Variants in RNGTT observed in about 807,000 individuals in gnomAD.
RNGTT encodes mRNA-capping enzyme.
A neutral mutation model predicts 79.3 loss-of-function variants in RNGTT; 33 were observed. The ratio of observed to expected loss-of-function variants is 0.42; its 90% CI spans 0.32 to 0.56. The LOEUF is 0.56. Among genes scored for constraint, RNGTT ranks in the 20% least tolerant of loss-of-function variants. The probability of loss-of-function intolerance (pLI) is 0.17; values close to 1 mark genes in which losing one functional copy is unlikely to be tolerated. For synonymous variants in RNGTT, 222 were observed against 235.9 expected (o/e 0.94, Z 0.54); for missense variants, 497 against 739.1 (o/e 0.67, Z 3.80).
At chr6:88,762,282 C>A (rs960930270) in intron 13 of RNGTT, among the ~76,000 whole-genome samples, 2 of 152,164 alleles carry the variant, frequency 1.3e-5, no homozygotes, top group African/African-American at 4.8e-5. Flanking sequence ...GAATAAGGGT[C>A]ATTATGCTAG....
chr6:88,667,124 T>C (rs1024999041), intron 14 of RNGTT, among the ~76,000 whole-genome samples: 7 of 152,168 alleles, frequency 4.6e-5, no homozygotes, highest in Admixed American at 3.9e-4. Context: ...CAGAGCAGCA[T>C]CCACTCCCTT....
At chr6:88,911,579 G>A (rs1385855749) in intron 4 of RNGTT, among the ~76,000 whole-genome samples, 3 of 151,874 alleles carry the variant, frequency 2.0e-5, no homozygotes, top group Non-Finnish European at 4.4e-5. Context: ...AATAAAAATA[G>A]AAATCAATAC....
At chr6:88,636,948 T>C (rs1432350588) in intron 14 of RNGTT, among the ~76,000 whole-genome samples, 3 of 152,066 alleles carry the variant, frequency 2.0e-5, no homozygotes, top group Non-Finnish European at 4.4e-5. Flanking sequence ...ATTAAAATCT[T>C]GAATCAGATG....
chr6:88,798,498 G>T (rs940711437), intron 12 of RNGTT, among the ~76,000 whole-genome samples: 19 of 151,250 alleles, frequency 1.3e-4, no homozygotes, highest in African/African-American at 4.6e-4. Context: ...TGAACTGTAA[G>T]AAATAAGGTG....
At chr6:88,956,227 A>G (rs1223186853) in intron 1 of RNGTT, among the ~76,000 whole-genome samples, 3 of 151,948 alleles carry the variant, frequency 2.0e-5, no homozygotes, top group Non-Finnish European at 4.4e-5. Context: ...AATACTTTAT[A>G]TGCACAAACT....
intron 13 of RNGTT, among the ~76,000 whole-genome samples, chr6:88,742,424 T>G (rs1403241972): frequency 6.6e-6 from 1 of 152,234 alleles, no homozygotes; most frequent in African/African-American, 2.4e-5. Flanking sequence ...CAAAAATTAT[T>G]TGAAGTTTAC....
At chr6:88,668,352 C>T (rs190630613) in intron 14 of RNGTT, among the ~76,000 whole-genome samples, 1 of 152,252 alleles carries the variant, frequency 6.6e-6, no homozygotes, top group Admixed American at 6.5e-5. Context: ...CTGAAAAAGA[C>T]AACAAGCCCT....
chr6:88,963,447 G>T lies in RNGTT; in HGVS notation c.-38C>A, dbSNP rs753119389. ...CGCAGAGCTGCCCTCCCTCACCAAC[G>T]TTCACCGCGCCTTTGGAGCCGCCTC... is the stretch of plus-strand genomic sequence containing the variant. On this transcript the variant is annotated 5_prime_UTR_variant, in exon 1 of 16. Coordinates refer to ENST00000369485, the MANE Select transcript of RNGTT (RefSeq NM_003800.5). 1.3e-5 allele frequency: 19 copies of T among 1,514,608 alleles called. No homozygotes were observed. Among genetic ancestry groups the T allele is most frequent in the Non-Finnish European group, 1.7e-5 (19 of 1,127,384 alleles). 93.8% of individuals were successfully genotyped at this position (1,514,608 alleles called of 1,614,324 possible).
intron 12 of RNGTT, among the ~76,000 whole-genome samples, chr6:88,774,356 C>T (rs1290473562): frequency 6.6e-6 from 1 of 151,868 alleles, no homozygotes; most frequent in Non-Finnish European, 1.5e-5. Flanking sequence ...TAAATCAGAA[C>T]ATGCACATTG....
intron 4 of RNGTT, among the ~76,000 whole-genome samples, chr6:88,912,846 T>TGAAA (rs1783870718): frequency 6.6e-6 from 1 of 151,970 alleles, no homozygotes. Flanking sequence ...AGGAAGAAAC[T>TGAAA]GAAACCCTGG....
At chr6:88,779,631 T>A (rs1778995952) in intron 12 of RNGTT, among the ~76,000 whole-genome samples, 1 of 152,174 alleles carries the variant, frequency 6.6e-6, no homozygotes, top group Admixed American at 6.6e-5. Flanking sequence ...TCATATTAAT[T>A]TGGAATACTA....
intron 12 of RNGTT, among the ~76,000 whole-genome samples, chr6:88,788,295 A>G (rs1779296094): frequency 6.6e-6 from 1 of 152,156 alleles, no homozygotes; most frequent in South Asian, 2.1e-4. Flanking sequence ...CCCGAGAAAC[A>G]CCAAACTTCA....
At chr6:88,913,421 G>A (rs1405787252) in intron 4 of RNGTT, among the ~76,000 whole-genome samples, 1 of 151,800 alleles carries the variant, frequency 6.6e-6, no homozygotes, top group Non-Finnish European at 1.5e-5. Context: ...AAATACTGTA[G>A]GCCAATATCC....
intron 7 of RNGTT, among the ~76,000 whole-genome samples, 173 bp from the exon 8 acceptor site, chr6:88,890,769 T>C (rs901427166): frequency 6.6e-6 from 1 of 152,194 alleles, no homozygotes; most frequent in Admixed American, 6.5e-5. Flanking sequence ...AGATTATCAT[T>C]TTCTTGACAT....
intron 14 of RNGTT, among the ~76,000 whole-genome samples, chr6:88,657,169 A>G (rs971509001): frequency 1.7e-4 from 26 of 152,086 alleles, no homozygotes; most frequent in African/African-American, 6.3e-4. Flanking sequence ...GCTGCTGCAA[A>G]CTCCATGAGA....
intron 1 of RNGTT, among the ~76,000 whole-genome samples, chr6:88,950,751 G>A (rs1196779347): frequency 2.6e-5 from 4 of 152,090 alleles, no homozygotes; most frequent in African/African-American, 9.7e-5. Context: ...AGAATCGCTT[G>A]AACCCAGGAG....
chr6:88,649,682 G>C (rs907797509), intron 14 of RNGTT, among the ~76,000 whole-genome samples: 1 of 151,888 alleles, frequency 6.6e-6, no homozygotes, highest in African/African-American at 2.4e-5. Context: ...GGGTGAAAGA[G>C]CGAGACTAAG....
At chr6:88,749,338 G>A (rs1402763892) in intron 13 of RNGTT, among the ~76,000 whole-genome samples, 1 of 152,064 alleles carries the variant, frequency 6.6e-6, no homozygotes, top group East Asian at 1.9e-4. Context: ...ACGTAACTTG[G>A]AAAGGATTAC....
At chr6:88,806,856 T>C (rs1006607142) in intron 11 of RNGTT, among the ~76,000 whole-genome samples, 5 of 152,102 alleles carry the variant, frequency 3.3e-5, no homozygotes, top group Admixed American at 3.3e-4. Flanking sequence ...TGCCCATCAA[T>C]GATAGACTGA....
Sources: allele counts gnomAD v4.1 joint callset (sites outside exome capture counted in the v4.1 genomes callset), GRCh38; gene constraint gnomAD v4.1.1; transcripts MANE v1.5; gene names NCBI Gene and HGNC (gene_info 2026-07-23, HGNC 2026-07-21).